TCF4: variants seen among roughly 807,000 people sequenced by gnomAD.
TCF4 encodes the protein transcription factor 4, also known as SL3-3 enhancer factor 2.
In TCF4, 3 loss-of-function variants were observed where a neutral mutation model predicts 82.1. That is an observed-to-expected ratio of 0.04 (90% CI 0.02 to 0.09). The LOEUF (loss-of-function observed/expected upper bound fraction) is 0.09, where lower values mean the gene tolerates loss of function less well. TCF4 is among the 10% of genes least tolerant of loss of function. The probability of loss-of-function intolerance (pLI) is 1.00; values close to 1 mark genes in which losing one functional copy is unlikely to be tolerated. For missense variants in TCF4, 518 were observed against 852.7 expected (o/e 0.61, Z 4.89); for synonymous variants, 276 against 309.6 (o/e 0.89, Z 1.14).
intron 3 of TCF4, among the ~76,000 whole-genome samples, chr18:55,478,797 T>C (rs892807032): frequency 2.4e-5 from 3 of 123,220 alleles, no homozygotes; most frequent in Non-Finnish European, 3.6e-5. Flanking sequence ...CCAGAGAAAG[T>C]CCACAGTTCT....
At chr18:55,421,063 C>A (rs1334633459) in intron 5 of TCF4, among the ~76,000 whole-genome samples, 1 of 150,040 alleles carries the variant, frequency 6.7e-6, no homozygotes, top group South Asian at 2.1e-4. Context: ...TTTGCCCACA[C>A]AAAAAAAGAA....
At chr18:55,525,610 C>T (rs1045907644) in intron 3 of TCF4, among the ~76,000 whole-genome samples, 1 of 152,114 alleles carries the variant, frequency 6.6e-6, no homozygotes, top group Non-Finnish European at 1.5e-5. Context: ...GTCTTAGGCA[C>T]AAGAGGCAAA....
intron 3 of TCF4, among the ~76,000 whole-genome samples, chr18:55,508,290 G>A (rs2096786557): frequency 1.3e-5 from 2 of 152,048 alleles, no homozygotes; most frequent in Admixed American, 1.3e-4. Context: ...AGGTCTACCC[G>A]CCCTTTCTTT....
chr18:55,373,623 G>A (rs1481851846), intron 6 of TCF4, among the ~76,000 whole-genome samples: 1 of 151,782 alleles, frequency 6.6e-6, no homozygotes, highest in Non-Finnish European at 1.5e-5. Context: ...GACCAGGCTG[G>A]CCAAAATGAT....
chr18:55,256,320 C>T (rs2056823771), intron 14 of TCF4, among the ~76,000 whole-genome samples: 2 of 152,058 alleles, frequency 1.3e-5, no homozygotes, highest in African/African-American at 2.4e-5. Context: ...GAATAGGCCC[C>T]AGAGAATAAC....
At chr18:55,370,418 A>G (rs1454505334) in intron 6 of TCF4, among the ~76,000 whole-genome samples, 2 of 148,816 alleles carry the variant, frequency 1.3e-5, no homozygotes, top group East Asian at 3.9e-4. Flanking sequence ...ATGTAGATAG[A>G]TAGACAGATG....
At chr18:55,404,444 T>C (rs1603448684) in intron 5 of TCF4, 1 of 152,232 alleles carries the variant, frequency 6.6e-6, no homozygotes, top group Non-Finnish European at 1.5e-5. Flanking sequence ...GGCAGGCAGG[T>C]GCCTAAGACC....
intron 6 of TCF4, among the ~76,000 whole-genome samples, 155 bp downstream of exon 6, chr18:55,403,299 C>T (rs1009182694): frequency 5.9e-5 from 9 of 152,162 alleles, no homozygotes; most frequent in Non-Finnish European, 1.2e-4. Flanking sequence ...TAGTTCTAAG[C>T]TCTGTGTTAT....
At chr18:55,378,316 GCA>G (rs749891808) in intron 6 of TCF4, among the ~76,000 whole-genome samples, 94 of 152,276 alleles carry the variant, frequency 6.2e-4, no homozygotes, top group Non-Finnish European at 1.2e-3. Flanking sequence ...CATTTACTGA[GCA>G]CAGTCTGTAA....
intron 3 of TCF4, among the ~76,000 whole-genome samples, chr18:55,526,758 G>A (rs964805508): frequency 6.6e-6 from 1 of 152,078 alleles, no homozygotes; most frequent in Non-Finnish European, 1.5e-5. Context: ...ACCAACACCA[G>A]GCAAAGTCTA....
intron 6 of TCF4, among the ~76,000 whole-genome samples, chr18:55,390,085 T>G (rs2092945030): frequency 6.6e-6 from 1 of 151,944 alleles, no homozygotes; most frequent in Non-Finnish European, 1.5e-5. Flanking sequence ...AACTCACAAT[T>G]TGGTAATTGC....
intron 3 of TCF4, among the ~76,000 whole-genome samples, chr18:55,548,769 T>C (rs1287036631): frequency 6.6e-6 from 1 of 152,234 alleles, no homozygotes; most frequent in Non-Finnish European, 1.5e-5. Flanking sequence ...ATGGTATTTG[T>C]GTATCTGAGC....
chr18:55,274,615 T>G (rs150195019), intron 10 of TCF4, among the ~76,000 whole-genome samples: 1 of 152,126 alleles, frequency 6.6e-6, no homozygotes, highest in African/African-American at 2.4e-5. Flanking sequence ...AGTGTAGATA[T>G]GAGAAGAAGA....
chr18:55,334,625 A>C (rs2078263499), intron 8 of TCF4, among the ~76,000 whole-genome samples: 1 of 152,190 alleles, frequency 6.6e-6, no homozygotes, highest in South Asian at 2.1e-4. Context: ...CTTCAAAATA[A>C]TAATTCAAAA....
intron 8 of TCF4, among the ~76,000 whole-genome samples, chr18:55,323,223 G>A (rs1312954360): frequency 6.6e-6 from 1 of 152,126 alleles, no homozygotes; most frequent in East Asian, 1.9e-4. Flanking sequence ...GGAAAGGAGG[G>A]CCTCTGGGAA....
At chr18:55,455,059 C>T (rs929387824) in intron 5 of TCF4, among the ~76,000 whole-genome samples, 11 of 151,384 alleles carry the variant, frequency 7.3e-5, no homozygotes, top group African/African-American at 2.7e-4. Flanking sequence ...TGGTGGTGTA[C>T]ACCTGTCGTC....
At chr18:55,325,875 A>T (rs1446573779) in intron 8 of TCF4, among the ~76,000 whole-genome samples, 4 of 152,228 alleles carry the variant, frequency 2.6e-5, no homozygotes, top group Non-Finnish European at 5.9e-5. Context: ...CAGCCTATAA[A>T]TTAAATAACC....
At chr18:55,619,168 G>T (rs2097715261) in intron 2 of TCF4, among the ~76,000 whole-genome samples, 1 of 151,952 alleles carries the variant, frequency 6.6e-6, no homozygotes, top group Admixed American at 6.6e-5. Flanking sequence ...TGTTTTGGTG[G>T]TGAGATTAAG....
chr18:55,467,557 C>G (rs1335136175), intron 3 of TCF4, among the ~76,000 whole-genome samples: 2 of 152,164 alleles, frequency 1.3e-5, no homozygotes, highest in Admixed American at 6.5e-5. Context: ...GCATGCCCCA[C>G]ACCACCAACA....
Sources: allele counts gnomAD v4.1 joint callset (sites outside exome capture counted in the v4.1 genomes callset), GRCh38; gene constraint gnomAD v4.1.1; transcripts MANE v1.5; gene names NCBI Gene and HGNC (gene_info 2026-07-23, HGNC 2026-07-21).